The following EYS variants were observed in gnomAD, a reference collection of about 807,000 sequenced individuals.
The protein encoded by EYS is EGF-like photoreceptor maintenance factor, also known as protein eyes shut homolog.
EYS carries 250 observed loss-of-function variants against 282.1 expected under a neutral mutation model. The observed-to-expected ratio is 0.89, with a 90% CI of 0.80 to 0.98. The LOEUF (loss-of-function observed/expected upper bound fraction) is 0.98. Ranked by LOEUF, EYS falls within the 50% of genes least tolerant of loss-of-function variation. The pLI, the probability that EYS is intolerant of heterozygous loss-of-function variation, is 0.00. For synonymous variants in EYS, 1,355 were observed against 1,282.9 expected, an observed-to-expected ratio of 1.06 and a Z score of -1.20; for missense variants, 4,016 against 3,709.0, an observed-to-expected ratio of 1.08 and a Z score of -2.15.
intron 26 of EYS, among the ~76,000 whole-genome samples, chr6:64,545,705 C>T (rs1764836766): frequency 2.0e-5 from 3 of 152,170 alleles, no homozygotes; most frequent in Non-Finnish European, 4.4e-5. Context: ...GCAAAAATCA[C>T]AAGCATTCTT....
intron 26 of EYS, among the ~76,000 whole-genome samples, chr6:64,445,556 AAGTTCAAGAAT>A (rs1775093042): frequency 6.6e-6 from 1 of 152,184 alleles, no homozygotes; most frequent in Admixed American, 6.6e-5. Context: ...AAATAAAAGG[AAGTTCAAGAAT>A]AGGGTGGGTT....
chr6:63,865,157 C>T (rs1435061304), intron 35 of EYS, among the ~76,000 whole-genome samples: 2 of 152,206 alleles, frequency 1.3e-5, no homozygotes, highest in Non-Finnish European at 2.9e-5. Context: ...CACGCTAGGC[C>T]AACTGGCCAA....
intron 26 of EYS, among the ~76,000 whole-genome samples, chr6:64,457,562 T>C (rs910260327): frequency 1.3e-5 from 2 of 152,070 alleles, no homozygotes; most frequent in Non-Finnish European, 2.9e-5. Context: ...GCTGCATATA[T>C]TGTTATATCC....
At chr6:65,272,100 C>T (rs1027380055) in intron 12 of EYS, among the ~76,000 whole-genome samples, 10 of 152,100 alleles carry the variant, frequency 6.6e-5, no homozygotes, top group Admixed American at 5.9e-4. Flanking sequence ...GTCTGTCTAG[C>T]AACATTAGGA....
At position 65,064,570 on chromosome 6, in the gene EYS, ATATATACTATAAAAGT is replaced by A. The variant is rs1773686533; in HGVS notation, c.2024-6859_2024-6844del. Among the ~76,000 whole-genome samples the A allele has an allele frequency of 2.0e-5, 3 of 148,252 alleles. No homozygotes were observed. In the South Asian group the frequency reaches 6.3e-4, roughly 31 times the overall value. ...ACTAATATACTCTGCTATATACTAT[ATATATACTATAAAAGT>A]TATATACTATATAGCTATATAGTAA... On this transcript the variant is annotated intron_variant, in intron 12 of 42. Coordinates refer to ENST00000503581, the MANE Select transcript of EYS (RefSeq NM_001142800.2).
chr6:64,175,794 C>T (rs1764612361), intron 31 of EYS, among the ~76,000 whole-genome samples: 1 of 152,056 alleles, frequency 6.6e-6, no homozygotes. Context: ...GAGCCAATAT[C>T]CCTAGAGACC....
At chr6:63,922,401 A>G (rs918982128) in intron 35 of EYS, among the ~76,000 whole-genome samples, 2 of 152,268 alleles carry the variant, frequency 1.3e-5, no homozygotes, top group East Asian at 1.9e-4. Context: ...TGTCTCTACT[A>G]AAAATACAAA....
intron 36 of EYS, among the ~76,000 whole-genome samples, chr6:63,837,071 G>A (rs1219549803): frequency 6.6e-6 from 1 of 151,894 alleles, no homozygotes; most frequent in East Asian, 1.9e-4. Context: ...ATTCACATGT[G>A]ACATTCAATC....
At chr6:64,320,087 A>G (rs1770153883) in intron 29 of EYS, among the ~76,000 whole-genome samples, 1 of 151,874 alleles carries the variant, frequency 6.6e-6, no homozygotes, top group Admixed American at 6.6e-5. Context: ...TTCTGTGTTG[A>G]AGGGTTTTTT....
chr6:64,562,914 CAAAT>C (rs1315269851), intron 26 of EYS, among the ~76,000 whole-genome samples: 1 of 151,806 alleles, frequency 6.6e-6, no homozygotes, highest in Non-Finnish European at 1.5e-5. Flanking sequence ...TGGTTGCAGA[CAAAT>C]GAATTATTCT....
chr6:64,979,821 C>G (rs112923909), intron 14 of EYS, among the ~76,000 whole-genome samples: 3 of 151,498 alleles, frequency 2.0e-5, no homozygotes, highest in African/African-American at 7.3e-5. Context: ...AAAAGATATA[C>G]TATTGTATAG....
intron 33 of EYS, among the ~76,000 whole-genome samples, chr6:64,045,358 A>G (rs771549986): frequency 1.7e-3 from 251 of 150,664 alleles, no homozygotes; most frequent in Middle Eastern, 3.5e-3. Context: ...AGAGTAACTC[A>G]TTTTTTAATG....
rs1768360479 is a variant in EYS, at chr6:63,721,000, T to C, written c.9031A>G (p.Ile3011Val). Residue 3011 changes from isoleucine to valine, a missense_variant, in exon 43 of 43, where the codon ATT (isoleucine) becomes GTT (valine). By Grantham distance (29) the Ile-to-Val change is conservative. Transcript: ENST00000503581. ...AQNEENDFLA[I>V]GLHNQTLKIA... ...TTCAAGGTCTGATTATGGAGACCAA[T>C]TGCCAGAAAATCATTTTCTTCATTT... 6 of 1,551,332 alleles carry C rather than the reference T, an allele frequency of 3.9e-6. 1 individual carries two copies. The highest frequency in any genetic ancestry group is 4.9e-5 in the East Asian group (2 of 40,892).
rs574946663 is a variant in EYS at position 65,254,171 on chromosome 6, T to A, written c.2023+41692A>T. On this transcript the variant is annotated intron_variant, in intron 12 of 42. Coordinates refer to ENST00000503581, the MANE Select transcript of EYS (RefSeq NM_001142800.2). ...AACTTTTTCAAATCACCTGAGCAGT[T>A]GAGTATTGCTCTTTTATAACTAATC... Among the ~76,000 whole-genome samples the A allele has an allele frequency of 3.3e-5, 5 of 151,994 alleles. No homozygotes were observed. In the East Asian group the frequency reaches 9.7e-4, roughly 29 times the overall value.
chr6:64,627,845 C>A (rs1379339201), intron 22 of EYS, among the ~76,000 whole-genome samples: 3 of 152,054 alleles, frequency 2.0e-5, no homozygotes, highest in Admixed American at 1.3e-4. Context: ...TTTGGGAGAC[C>A]GAGGCGGGTG....
At chr6:65,382,388 T>C (rs1174369139) in intron 8 of EYS, among the ~76,000 whole-genome samples, 1 of 146,294 alleles carries the variant, frequency 6.8e-6, no homozygotes, top group Non-Finnish European at 1.5e-5. Flanking sequence ...TTAGTTAAAT[T>C]ATCTTAGTGT....
chr6:65,007,360 T>G (rs1051433783), intron 13 of EYS, among the ~76,000 whole-genome samples: 1 of 152,040 alleles, frequency 6.6e-6, no homozygotes, highest in Non-Finnish European at 1.5e-5. Flanking sequence ...AATTTGACCC[T>G]CAGACGCTAA....
At chr6:64,102,722 T>C (rs1468983662) in intron 31 of EYS, among the ~76,000 whole-genome samples, 2 of 152,200 alleles carry the variant, frequency 1.3e-5, no homozygotes, top group Admixed American at 1.3e-4. Context: ...AATTCTTGTA[T>C]ATTTGATTCA....
chr6:65,662,000 TCA>T (rs1423097636), intron 1 of EYS, among the ~76,000 whole-genome samples: 1 of 152,014 alleles, frequency 6.6e-6, no homozygotes, highest in Non-Finnish European at 1.5e-5. Context: ...AAGTTAATAA[TCA>T]CCAGAGATTA....
Sources: allele counts gnomAD v4.1 joint callset (sites outside exome capture counted in the v4.1 genomes callset), GRCh38; gene constraint gnomAD v4.1.1; transcripts MANE v1.5; gene names NCBI Gene and HGNC (gene_info 2026-07-23, HGNC 2026-07-21).